The following DLG2 variants were observed in gnomAD, a reference collection of about 807,000 sequenced individuals.
DLG2 encodes discs large MAGUK scaffold protein 2, also known as disks large homolog 2.
In DLG2, 45 loss-of-function variants were observed where a neutral mutation model predicts 132.5. That is an observed-to-expected ratio of 0.34 (90% CI 0.27 to 0.44). DLG2 has a LOEUF of 0.44. Among genes scored for constraint, DLG2 ranks in the 20% least tolerant of loss-of-function variants. DLG2 has a pLI of 1.00. For synonymous variants in DLG2, 424 were observed against 419.6 expected (o/e 1.01, Z -0.13); for missense variants, 1,045 against 1,196.9 (o/e 0.87, Z 1.87).
At chr11:85,400,717 A>G (rs1050983749) in intron 3 of DLG2, among the ~76,000 whole-genome samples, 2 of 149,908 alleles carry the variant, frequency 1.3e-5, no homozygotes, top group Non-Finnish European at 3.0e-5. Context: ...TCACTCATAG[A>G]TGGGAATTGA....
chr11:83,763,598 C>A (rs879419094), intron 18 of DLG2, among the ~76,000 whole-genome samples: 1 of 152,142 alleles, frequency 6.6e-6, no homozygotes, highest in Non-Finnish European at 1.5e-5. Context: ...TGAATGATCA[C>A]CATATTTCAT....
intron 6 of DLG2, among the ~76,000 whole-genome samples, chr11:84,928,103 A>T (rs936155582): frequency 6.6e-6 from 1 of 151,992 alleles, no homozygotes; most frequent in Non-Finnish European, 1.5e-5. Context: ...AGGAAAGTAT[A>T]GAAAACAAAC....
intron 6 of DLG2, among the ~76,000 whole-genome samples, chr11:84,987,518 A>G (rs1161624041): frequency 6.6e-6 from 1 of 152,214 alleles, no homozygotes; most frequent in African/African-American, 2.4e-5. Context: ...ATTTCAAACT[A>G]TACTTTAAGG....
chr11:85,378,042 A>G (rs2085575573), intron 3 of DLG2, among the ~76,000 whole-genome samples: 1 of 151,978 alleles, frequency 6.6e-6, no homozygotes, highest in Admixed American at 6.6e-5. Flanking sequence ...TCATGGGACA[A>G]CATTTTTCTG....
At chr11:84,889,685 G>C (rs4457780) in intron 6 of DLG2, among the ~76,000 whole-genome samples, 3 of 152,036 alleles carry the variant, frequency 2.0e-5, no homozygotes, top group Admixed American at 2.0e-4. Context: ...AATTATTATC[G>C]CTTTTTCTTA....
chr11:84,785,862 T>C (rs1265484202), intron 6 of DLG2, among the ~76,000 whole-genome samples: 1 of 152,100 alleles, frequency 6.6e-6, no homozygotes, highest in Admixed American at 6.6e-5. Context: ...CATATCTTGG[T>C]GGATAGGTTA....
chr11:84,832,392 G>A (rs1366671992), intron 6 of DLG2, among the ~76,000 whole-genome samples: 3 of 151,602 alleles, frequency 2.0e-5, no homozygotes, highest in African/African-American at 7.3e-5. Flanking sequence ...TTTGAAGTAG[G>A]ACAAACAAAA....
chr11:84,270,798 C>T (rs1031467809), intron 7 of DLG2, among the ~76,000 whole-genome samples: 2 of 152,074 alleles, frequency 1.3e-5, no homozygotes, highest in African/African-American at 2.4e-5. Flanking sequence ...TGTGACTATA[C>T]TTTATAGACA....
chr11:84,584,375 T>A (rs1042512806), intron 6 of DLG2, among the ~76,000 whole-genome samples: 5 of 151,996 alleles, frequency 3.3e-5, no homozygotes, highest in Non-Finnish European at 7.4e-5. Flanking sequence ...TTATATTTAT[T>A]TTTATTTTTA....
chr11:85,024,618 A>G (rs1177445723), intron 6 of DLG2, among the ~76,000 whole-genome samples: 1 of 152,214 alleles, frequency 6.6e-6, no homozygotes, highest in East Asian at 1.9e-4. Context: ...TTAAATGTGC[A>G]GAAAAAATAG....
At chr11:83,635,886 G>T (rs1343121024) in intron 18 of DLG2, among the ~76,000 whole-genome samples, 1 of 152,016 alleles carries the variant, frequency 6.6e-6, no homozygotes, top group African/African-American at 2.4e-5. Flanking sequence ...ACCAGAAGTG[G>T]GACTACTGGT....
At chr11:84,035,472 G>C (rs1204443874) in intron 11 of DLG2, among the ~76,000 whole-genome samples, 5 of 152,166 alleles carry the variant, frequency 3.3e-5, no homozygotes, top group African/African-American at 1.2e-4. Flanking sequence ...CAGGCACAAA[G>C]AATAGCCAAC....
rs114004050 is a variant in DLG2, at chr11:85,260,883, G to C, written c.186+24337C>G. Among the ~76,000 whole-genome samples, 741 of 152,300 alleles carry C rather than the reference G, an allele frequency of 4.9e-3. 5 individuals are homozygous for C. Among genetic ancestry groups the C allele is most frequent in the African/African-American group, 0.016 (683 of 41,566 alleles). On this transcript the variant is annotated intron_variant, in intron 4 of 27. Transcript: ENST00000376104. ...GGGATGTAGCAATCTCTTCATGGTAGACACAGTCCCACCCCACCTCACATG... is the reference window on the plus strand; with the variant it reads ...GGGATGTAGCAATCTCTTCATGGTACACACAGTCCCACCCCACCTCACATG...
At chr11:83,768,006 T>A (rs1311922630) in intron 18 of DLG2, among the ~76,000 whole-genome samples, 1 of 152,218 alleles carries the variant, frequency 6.6e-6, no homozygotes, top group Admixed American at 6.5e-5. Context: ...GACGTAAGTT[T>A]GATTTTTTCT....
At chr11:85,118,294 G>A (rs942766251) in intron 5 of DLG2, among the ~76,000 whole-genome samples, 22 of 152,154 alleles carry the variant, frequency 1.4e-4, no homozygotes, top group East Asian at 3.9e-4. Flanking sequence ...GAGAACAAGC[G>A]TTTTTCAGTG....
intron 6 of DLG2, among the ~76,000 whole-genome samples, chr11:85,043,014 T>C (rs1038118834): frequency 1.3e-5 from 2 of 151,914 alleles, no homozygotes; most frequent in African/African-American, 4.8e-5. Context: ...TATAATTTTA[T>C]ATTTTATTTT....
chr11:84,718,861 G>C (rs1054472089), intron 6 of DLG2, among the ~76,000 whole-genome samples: 1 of 152,148 alleles, frequency 6.6e-6, no homozygotes, highest in African/African-American at 2.4e-5. Flanking sequence ...ACAATTCTAA[G>C]ATCTCTTCGG....
At chr11:84,662,784 C>CTCAAA (rs2099695868) in intron 6 of DLG2, among the ~76,000 whole-genome samples, 1 of 57,202 alleles carries the variant, frequency 1.7e-5, no homozygotes, top group Admixed American at 2.3e-4. Flanking sequence ...AAGACTCTGT[C>CTCAAA]ACAAAAAAAA....
At chr11:85,471,949 T>A (rs1423660176) in intron 3 of DLG2, among the ~76,000 whole-genome samples, 5 of 152,154 alleles carry the variant, frequency 3.3e-5, no homozygotes, top group Non-Finnish European at 7.3e-5. Flanking sequence ...AACCATAATG[T>A]GACTTTTAGA....
Sources: gnomAD v4.1 joint callset for allele counts (sites outside exome capture counted in the v4.1 genomes callset) on GRCh38, gnomAD v4.1.1 for gene constraint, MANE v1.5 for transcripts, NCBI Gene and HGNC (gene_info 2026-07-23, HGNC 2026-07-21) for gene names.